Variants in HS6ST3 observed in about 807,000 individuals in gnomAD.
HS6ST3 encodes the protein heparan-sulfate 6-O-sulfotransferase 3.
HS6ST3 carries 12 observed loss-of-function variants against 36.7 expected under a neutral mutation model. That is an observed-to-expected ratio of 0.33 (90% CI 0.21 to 0.53). The LOEUF is 0.53. HS6ST3 is among the 20% of genes least tolerant of loss of function. The probability of loss-of-function intolerance (pLI) is 0.95; values close to 1 mark genes in which losing one functional copy is unlikely to be tolerated. For missense variants in HS6ST3, 584 were observed against 640.9 expected, an observed-to-expected ratio of 0.91 and a Z score of 0.96; for synonymous variants, 240 against 257.5, an observed-to-expected ratio of 0.93 and a Z score of 0.65.
intron 1 of HS6ST3, among the ~76,000 whole-genome samples, chr13:96,346,433 G>T (rs2055155082): frequency 6.6e-6 from 1 of 151,988 alleles, no homozygotes; most frequent in South Asian, 2.1e-4. Context: ...AATTAGCCGG[G>T]CGTGGTGGCA....
intron 1 of HS6ST3, among the ~76,000 whole-genome samples, chr13:96,506,311 G>C (rs1032899160): frequency 6.6e-5 from 10 of 152,022 alleles, no homozygotes; most frequent in Admixed American, 3.9e-4. Context: ...ACAGTCTCAG[G>C]TTCCTCATTT....
At position 96,449,333 on chromosome 13, in the gene HS6ST3, C is replaced by T. The variant is rs117202866; in HGVS notation, c.707+357764C>T. Among the ~76,000 whole-genome samples, 3 of 152,308 alleles carry T rather than the reference C, an allele frequency of 2.0e-5. No individual in the cohort carries two copies. In the East Asian group the frequency reaches 5.8e-4, roughly 29 times the overall value. On this transcript the variant is annotated intron_variant, in intron 1 of 1. Coordinates refer to ENST00000376705, the MANE Select transcript of HS6ST3 (RefSeq NM_153456.4). Reference sequence around the variant, plus strand: ...CCAAAAAACATCCTCTCTCCCCTTCCACTCCAGGAAGATACTGCCAAGGCG... The same window carrying T: ...CCAAAAAACATCCTCTCTCCCCTTCTACTCCAGGAAGATACTGCCAAGGCG...
At chr13:96,828,906 A>G (rs1447949432) in intron 1 of HS6ST3, among the ~76,000 whole-genome samples, 1 of 152,228 alleles carries the variant, frequency 6.6e-6, no homozygotes, top group East Asian at 1.9e-4. Flanking sequence ...TTAGTCTTGA[A>G]TGAATAAAGT....
At chr13:96,452,861 CT>C (rs2055735016) in intron 1 of HS6ST3, among the ~76,000 whole-genome samples, 2 of 152,240 alleles carry the variant, frequency 1.3e-5, no homozygotes, top group South Asian at 4.1e-4. Context: ...TTCTACCCTA[CT>C]ACCTGGGAGG....
At chr13:96,244,352 G>C (rs189607320) in intron 1 of HS6ST3, among the ~76,000 whole-genome samples, 1 of 152,168 alleles carries the variant, frequency 6.6e-6, no homozygotes, top group East Asian at 1.9e-4. Context: ...TAAACATATC[G>C]CATCAAAACC....
chr13:96,145,007 G>A (rs2054050245), intron 1 of HS6ST3, among the ~76,000 whole-genome samples: 1 of 151,378 alleles, frequency 6.6e-6, no homozygotes, highest in East Asian at 1.9e-4. Flanking sequence ...ATAGTATTCT[G>A]TGGTGTATAT....
At chr13:96,524,362 G>A (rs1329122466) in intron 1 of HS6ST3, among the ~76,000 whole-genome samples, 2 of 152,172 alleles carry the variant, frequency 1.3e-5, no homozygotes, top group African/African-American at 2.4e-5. Context: ...GAGCTCGAAC[G>A]CTGCACCAGG....
intron 1 of HS6ST3, among the ~76,000 whole-genome samples, chr13:96,412,370 G>A (rs982812703): frequency 2.6e-5 from 4 of 152,154 alleles, no homozygotes; most frequent in Admixed American, 1.3e-4. Context: ...CCAGGAAGAT[G>A]ATCAAGATCA....
intron 1 of HS6ST3, among the ~76,000 whole-genome samples, chr13:96,521,906 T>A (rs1273240153): frequency 6.6e-6 from 1 of 152,192 alleles, no homozygotes; most frequent in Non-Finnish European, 1.5e-5. Context: ...TTGAATTTGT[T>A]TGCTCTTGCT....
At chr13:96,711,628 C>CA (rs1365861834) in intron 1 of HS6ST3, among the ~76,000 whole-genome samples, 1 of 152,038 alleles carries the variant, frequency 6.6e-6, no homozygotes, top group Non-Finnish European at 1.5e-5. Flanking sequence ...GTATTTTTTT[C>CA]TCCTAGCTTC....
chr13:96,722,988 C>CGTGTGTGTGTGTGT (rs34651683), intron 1 of HS6ST3, among the ~76,000 whole-genome samples: 25 of 143,672 alleles, frequency 1.7e-4, no homozygotes, highest in East Asian at 1.0e-3. Context: ...AAAAAATATA[C>CGTGTGTGTGTGTGT]GTGTGTGTGT....
intron 1 of HS6ST3, among the ~76,000 whole-genome samples, chr13:96,477,180 A>T (rs959217818): frequency 1.3e-5 from 2 of 152,094 alleles, no homozygotes; most frequent in African/African-American, 4.8e-5. Context: ...AAGATGATAA[A>T]CCTTTGGAGT....
chr13:96,245,937 C>T (rs543734619), intron 1 of HS6ST3, among the ~76,000 whole-genome samples: 1 of 152,172 alleles, frequency 6.6e-6, no homozygotes, highest in East Asian at 1.9e-4. Flanking sequence ...GGGGAAACTA[C>T]ATGAGTTAAT....
chr13:96,672,124 G>A (rs922758486), intron 1 of HS6ST3, among the ~76,000 whole-genome samples: 1 of 151,988 alleles, frequency 6.6e-6, no homozygotes, highest in Non-Finnish European at 1.5e-5. Flanking sequence ...TAAATATTCT[G>A]CATTGGCTCC....
intron 1 of HS6ST3, among the ~76,000 whole-genome samples, chr13:96,358,540 A>G (rs979458805): frequency 6.6e-6 from 1 of 152,150 alleles, no homozygotes; most frequent in East Asian, 1.9e-4. Context: ...AATGTCATAA[A>G]ACACACAAAA....
intron 1 of HS6ST3, among the ~76,000 whole-genome samples, chr13:96,247,305 C>T (rs189988316): frequency 8.4e-4 from 128 of 152,142 alleles, no homozygotes; most frequent in Middle Eastern, 3.4e-3. Context: ...TACTCTGTGT[C>T]CCTACCCAAG....
chr13:96,458,253 C>T (rs36063950), intron 1 of HS6ST3, among the ~76,000 whole-genome samples: 2,164 of 151,902 alleles, frequency 0.014, 46 homozygotes, highest in African/African-American at 0.047. Context: ...ATTAGGAATG[C>T]CAAATTCTGT....
rs1272984606 is a variant in HS6ST3, at chr13:96,090,509, G to A, written c.-354G>A. The stretch of plus-strand genomic sequence containing the variant: ...CAGGACCCGAACCCCGCTCCCCAGC[G>A]CCTGAGCGCCTGCAAGCCGCCGGCG... On this transcript the variant is annotated 5_prime_UTR_variant, in exon 1 of 2. Transcript: ENST00000376705. 6.8e-6 allele frequency among the ~76,000 whole-genome samples: 1 copy of A among 146,510 alleles called. No homozygotes were observed. Among genetic ancestry groups the A allele is most frequent in the Non-Finnish European group, 1.5e-5 (1 of 65,854 alleles).
chr13:96,279,194 A>G (rs1927785), intron 1 of HS6ST3, among the ~76,000 whole-genome samples: 76,171 of 152,028 alleles, frequency 0.5, 19,291 homozygotes, highest in Middle Eastern at 0.6. Context: ...GTTCACACAG[A>G]TGGTGAATGT....
Sources: allele counts gnomAD v4.1 joint callset (sites outside exome capture counted in the v4.1 genomes callset), GRCh38; gene constraint gnomAD v4.1.1; transcripts MANE v1.5; gene names NCBI Gene and HGNC (gene_info 2026-07-23, HGNC 2026-07-21).